The following CDS1 variants were observed in gnomAD, a reference collection of about 807,000 sequenced individuals.
CDS1 encodes the protein CDP-diacylglycerol synthase 1, also known as phosphatidate cytidylyltransferase 1.
Under a neutral mutation model 62.1 loss-of-function variants are expected in CDS1, and 41 were observed. The ratio of observed to expected loss-of-function variants is 0.66; its 90% CI spans 0.51 to 0.86. CDS1 has a LOEUF of 0.86. CDS1 is among the 40% of genes least tolerant of loss of function. The pLI, the probability that CDS1 is intolerant of heterozygous loss-of-function variation, is 0.00. For synonymous variants in CDS1, 185 were observed against 192.6 expected (o/e 0.96, Z 0.32); for missense variants, 470 against 550.1 (o/e 0.85, Z 1.46).
chr4:84,591,712 A>G (rs1722595845), intron 1 of CDS1, among the ~76,000 whole-genome samples: 1 of 152,232 alleles, frequency 6.6e-6, no homozygotes, highest in Admixed American at 6.5e-5. Context: ...TGACAGCCTA[A>G]ATGCCCTGCT....
At chr4:84,585,742 G>T (rs1560460662) in intron 1 of CDS1, among the ~76,000 whole-genome samples, 1 of 152,166 alleles carries the variant, frequency 6.6e-6, no homozygotes, top group Non-Finnish European at 1.5e-5. Flanking sequence ...CTGAGAGAAG[G>T]CTCTGTACTC....
chr4:84,649,144 C>G lies in CDS1; in HGVS notation c.*458C>G, dbSNP rs1349852339. ...GAAGTCAGTTCTCCTGCACTTCCTC[C>G]TCATGTAGTCTGGAGTACTTTCTAA... On this transcript the variant is annotated 3_prime_UTR_variant, in exon 13 of 13. Transcript: ENST00000295887. 1.3e-5 allele frequency: 2 copies of G among 152,132 alleles called. No homozygotes were observed. Among genetic ancestry groups the G allele is most frequent in the Non-Finnish European group, 2.9e-5 (2 of 68,338 alleles). 9.4% of individuals were successfully genotyped at this position (152,132 alleles called of 1,614,324 possible). A position where few individuals can be genotyped will look rare whatever the true frequency, so the allele number is the denominator to read the frequency against.
At chr4:84,640,220 A>G (rs6849387) in intron 9 of CDS1, among the ~76,000 whole-genome samples, 275 of 150,106 alleles carry the variant, frequency 1.8e-3, no homozygotes, top group African/African-American at 6.6e-3. Flanking sequence ...AAATCAGTTT[A>G]TATTCATTCC....
At chr4:84,646,920 C>T (rs531630424) in intron 12 of CDS1, among the ~76,000 whole-genome samples, 7 of 151,962 alleles carry the variant, frequency 4.6e-5, no homozygotes, top group African/African-American at 1.7e-4. Context: ...GTAGTTCTAC[C>T]AATTTTTGGT....
chr4:84,594,970 C>T lies in CDS1; in HGVS notation c.118-9273C>T, dbSNP rs146585660. ...CTTGGCTCAAGCAGTCCTTCTGCCT[C>T]GGGCTCCCAAAGTGCTCTCAAAGGT... On this transcript the variant is annotated intron_variant, in intron 1 of 12. Transcript: ENST00000295887. Among the ~76,000 whole-genome samples the T allele has an allele frequency of 1.9e-3, 296 of 152,216 alleles. 3 individuals are homozygous for T. The highest frequency in any genetic ancestry group is 6.6e-3 in the African/African-American group (275 of 41,524).
At chr4:84,614,683 C>T (rs1402199006) in intron 3 of CDS1, among the ~76,000 whole-genome samples, 29 of 152,260 alleles carry the variant, frequency 1.9e-4, no homozygotes, top group Non-Finnish European at 5.9e-5. Flanking sequence ...AATAACAATA[C>T]ACAGACAAAT....
intron 3 of CDS1, among the ~76,000 whole-genome samples, chr4:84,611,849 G>GC (rs371885517): frequency 3.4e-4 from 52 of 152,226 alleles, no homozygotes; most frequent in African/African-American, 1.2e-3. Flanking sequence ...CCAGGAAGAG[G>GC]CCCCCAGCTC....
intron 10 of CDS1, among the ~76,000 whole-genome samples, chr4:84,641,224 A>G (rs1242712919): frequency 6.6e-6 from 1 of 152,008 alleles, no homozygotes; most frequent in African/African-American, 2.4e-5. Context: ...TCGCCACCAC[A>G]TCTCGCTAAA....
chr4:84,600,004 T>C (rs1486662530), intron 1 of CDS1, among the ~76,000 whole-genome samples: 2 of 152,220 alleles, frequency 1.3e-5, no homozygotes, highest in East Asian at 3.8e-4. Flanking sequence ...TCACCGGCAG[T>C]GCGCAAGCCT....
At chr4:84,635,655 CT>C (rs1316361105) in intron 8 of CDS1, among the ~76,000 whole-genome samples, 14 of 121,828 alleles carry the variant, frequency 1.1e-4, no homozygotes, top group African/African-American at 4.7e-4. Flanking sequence ...TCCTTCCTTC[CT>C]TCCTTCCTTC....
chr4:84,621,684 C>T (rs1281163360), intron 5 of CDS1, among the ~76,000 whole-genome samples: 1 of 152,188 alleles, frequency 6.6e-6, no homozygotes, highest in Non-Finnish European at 1.5e-5. Flanking sequence ...GCCTTGGCCT[C>T]CCAAAGTGCT....
chr4:84,643,216 C>A, intron 11 of CDS1, 73 bp downstream of exon 11: 1 of 1,467,700 alleles, frequency 6.8e-7, no homozygotes, highest in Non-Finnish European at 9.4e-7. Flanking sequence ...GAATTTGGTC[C>A]GCTCATGATC....
rs373082492 is a variant in CDS1 at position 84,641,005 on chromosome 4, C to G, written c.1032+15C>G. On this transcript the variant is annotated intron_variant, in intron 10 of 12. Transcript: ENST00000295887. ...TCTTGAGACAGGTACAGTAAAAGTTCAAGATAAACATGGTTAGAGATCTTC... is the reference window on the plus strand; with the variant it reads ...TCTTGAGACAGGTACAGTAAAAGTTGAAGATAAACATGGTTAGAGATCTTC... 21 of 1,503,516 alleles carry G rather than the reference C, an allele frequency of 1.4e-5. No homozygotes were observed. The highest frequency in any genetic ancestry group is 1.6e-5 in the Non-Finnish European group (18 of 1,122,830). 93.1% of individuals were successfully genotyped at this position (1,503,516 alleles called of 1,614,324 possible).
At position 84,648,624 on chromosome 4, in the gene CDS1, T is replaced by C. The variant is rs1724622563; in HGVS notation, c.1324T>C (p.Tyr442His). The C allele has an allele frequency of 1.2e-6, 2 of 1,613,838 alleles. No homozygotes were observed. The highest frequency in any genetic ancestry group is 2.2e-5 in the South Asian group (2 of 91,058). Residue 442 changes from tyrosine to histidine, a missense_variant, in exon 13 of 13, where the codon TAT becomes CAT. By Grantham distance (83) the Tyr-to-His change is moderately conservative. Transcript: ENST00000295887. The part of the protein sequence containing the change: ...VLQPEQQLNI[Y>H]KTLKTHLIEK... ...TCAACCTGAACAGCAGTTAAATATA[T>C]ATAAAACCCTGAAGACTCATCTCAT...
chr4:84,583,540 G>A (rs1056758389), intron 1 of CDS1, 22 bp downstream of exon 1: 4 of 1,405,184 alleles, frequency 2.8e-6, no homozygotes, highest in Non-Finnish European at 3.8e-6. Flanking sequence ...CGAGAGAGGC[G>A]GACGCCGCGC....
Position 84,619,544 on chromosome 4 carries a change from G to C in CDS1, c.580+11G>C. The C allele has an allele frequency of 1.3e-6, 2 of 1,521,646 alleles. No homozygotes were observed. Among genetic ancestry groups the C allele is most frequent in the Middle Eastern group, 1.8e-4 (1 of 5,422 alleles). The allele number at this position is 1,521,646 out of a possible 1,614,324, so 94.3% of individuals were successfully genotyped here. A position where few individuals can be genotyped will look rare whatever the true frequency, so the allele number is the denominator to read the frequency against. ...CCCTCTATCTGGCAGGTAAGTTAAG[G>C]AATATTCTGTATTGATATATAGTTA... On this transcript the variant is annotated intron_variant, in intron 5 of 12. Transcript: ENST00000295887.
intron 1 of CDS1, among the ~76,000 whole-genome samples, chr4:84,584,728 T>C (rs1722364525): frequency 7.1e-6 from 1 of 140,832 alleles, no homozygotes; most frequent in African/African-American, 2.7e-5. Context: ...TTAGAATCAA[T>C]GGAATCAATG....
In CDS1 at chr4:84,583,559, G is replaced by C. The variant is rs528235780; in HGVS notation, c.117+41G>C. ...AGAGGCGGACGCCGCGCCCTGGCTG[G>C]GTCCTGGTTGGAAGCGGGACACTTG... On this transcript the variant is annotated intron_variant, in intron 1 of 12. Transcript: ENST00000295887. The C allele has an allele frequency of 7.4e-5, 94 of 1,263,214 alleles. No individual in the cohort carries two copies. In the African/African-American group the frequency reaches 1.4e-3, roughly 19 times the overall value. 78.3% of individuals were successfully genotyped at this position (1,263,214 alleles called of 1,614,324 possible).
At chr4:84,609,547 GAGT>G (rs762484703) in intron 3 of CDS1, 22 bp downstream of exon 3, 1 of 1,293,896 alleles carries the variant, frequency 7.7e-7, no homozygotes, top group South Asian at 1.2e-5. Context: ...ACTTTTCCCT[GAGT>G]GTCTCTTGCT....
Sources: allele counts gnomAD v4.1 joint callset (sites outside exome capture counted in the v4.1 genomes callset), GRCh38; gene constraint gnomAD v4.1.1; transcripts MANE v1.5; gene names NCBI Gene and HGNC (gene_info 2026-07-23, HGNC 2026-07-21).